Variants in IGF2BP3 observed in about 807,000 individuals in gnomAD.
The protein encoded by IGF2BP3 is insulin like growth factor 2 mRNA binding protein 3.
Under a neutral mutation model 73.8 loss-of-function variants are expected in IGF2BP3, and 9 were observed. The ratio of observed to expected loss-of-function variants is 0.12; its 90% CI spans 0.07 to 0.21. The LOEUF is 0.21. Ranked by LOEUF, IGF2BP3 falls within the 10% of genes least tolerant of loss-of-function variation. The pLI is 1.00. For synonymous variants in IGF2BP3, 258 were observed against 256.7 expected (o/e 1.01, Z -0.05); for missense variants, 542 against 714.0 (o/e 0.76, Z 2.75).
intron 10 of IGF2BP3, among the ~76,000 whole-genome samples, chr7:23,339,998 C>T (rs774334706): frequency 2.0e-5 from 3 of 152,120 alleles, no homozygotes; most frequent in Non-Finnish European, 2.9e-5. Context: ...AAATGTGTGA[C>T]CTTAAAGGCT....
At chr7:23,386,787 G>T (rs1786096223) in intron 3 of IGF2BP3, among the ~76,000 whole-genome samples, 1 of 152,080 alleles carries the variant, frequency 6.6e-6, no homozygotes, top group East Asian at 1.9e-4. Context: ...ACATCAGTGG[G>T]CTGGGCATGC....
intron 10 of IGF2BP3, among the ~76,000 whole-genome samples, chr7:23,325,775 G>A (rs572574628): frequency 1.3e-4 from 20 of 152,108 alleles, no homozygotes; most frequent in East Asian, 5.8e-4. Context: ...ATAACACCGC[G>A]TATCTACAAC....
At chr7:23,351,250 C>G (rs1357346343) in intron 6 of IGF2BP3, 55 bp downstream of exon 6, 3 of 1,594,882 alleles carry the variant, frequency 1.9e-6, no homozygotes, top group Non-Finnish European at 8.6e-7. Context: ...CACACTGTTA[C>G]TAAGATTCCA....
chr7:23,350,064 C>T (rs1784922554), intron 6 of IGF2BP3, among the ~76,000 whole-genome samples: 1 of 152,142 alleles, frequency 6.6e-6, no homozygotes, highest in South Asian at 2.1e-4. Flanking sequence ...CAGGGGAAGG[C>T]AGGATCAGAT....
chr7:23,431,655 C>T (rs1403563951), intron 2 of IGF2BP3, among the ~76,000 whole-genome samples: 2 of 151,996 alleles, frequency 1.3e-5, no homozygotes, highest in Non-Finnish European at 2.9e-5. Flanking sequence ...AAAAAGATTA[C>T]AAGGTCCCCT....
At chr7:23,341,687 C>T (rs963027574) in intron 10 of IGF2BP3, among the ~76,000 whole-genome samples, 2 of 151,760 alleles carry the variant, frequency 1.3e-5, no homozygotes, top group African/African-American at 4.8e-5. Flanking sequence ...TTTTAAATAA[C>T]CACCATGGCA....
intron 1 of IGF2BP3, among the ~76,000 whole-genome samples, chr7:23,468,744 G>C (rs1788630255): frequency 6.6e-6 from 1 of 152,212 alleles, no homozygotes; most frequent in Non-Finnish European, 1.5e-5. Flanking sequence ...TTGGGGAGCA[G>C]GGTCCGCTGG....
At position 23,420,883 on chromosome 7, in the gene IGF2BP3, T is replaced by G. The variant is rs190274455; in HGVS notation, c.237-2059A>C. Among the ~76,000 whole-genome samples the G allele has an allele frequency of 4.1e-4, 63 of 152,332 alleles. 1 individual carries two copies. Among genetic ancestry groups the G allele is most frequent in the Admixed American group, 3.9e-3 (59 of 15,308 alleles). On this transcript the variant is annotated intron_variant, in intron 2 of 14. Transcript: ENST00000258729. ...GTTTAAGAGATTCAAAAATCCAAAC[T>G]ATAGCTAGTACAAGTTTACAGACTA...
rs377726847 is a variant in IGF2BP3, at chr7:23,454,082, G to A, written c.236+14400C>T. On this transcript the variant is annotated intron_variant, in intron 2 of 14. Transcript: ENST00000258729. ...AGCTCAAGCGATTCATCCAAGTGCTGGGATTACAGGCATGAACCACCGTGC... is the reference window on the plus strand; with the variant it reads ...AGCTCAAGCGATTCATCCAAGTGCTAGGATTACAGGCATGAACCACCGTGC... 3.9e-5 allele frequency among the ~76,000 whole-genome samples: 6 copies of A among 152,176 alleles called. No homozygotes were observed. The East Asian group carries it at 9.6e-4, about 24-fold the overall frequency.
intron 3 of IGF2BP3, among the ~76,000 whole-genome samples, chr7:23,379,105 T>G (rs974139350): frequency 1.3e-5 from 2 of 152,194 alleles, no homozygotes; most frequent in African/African-American, 4.8e-5. Flanking sequence ...GATGGACATG[T>G]GTTTCATAAT....
chr7:23,417,606 C>T lies in IGF2BP3; in HGVS notation c.285+1170G>A, dbSNP rs1787228900. 2.6e-5 allele frequency among the ~76,000 whole-genome samples: 4 copies of T among 152,088 alleles called. No individual in the cohort carries two copies. In the South Asian group the frequency reaches 8.3e-4, roughly 32 times the overall value. ...TTGGCTGTTTCATAGAAAGCTACAT[C>T]ATACCAGATGTAGCTCCTGAACAAA... On this transcript the variant is annotated intron_variant, in intron 3 of 14. Transcript: ENST00000258729.
rs560346219 is a variant in IGF2BP3, at chr7:23,325,493, G to C, written c.1204-6239C>G. On this transcript the variant is annotated intron_variant, in intron 10 of 14. Transcript: ENST00000258729. ...AATCAATATCGTGAAAATGGCCATA[G>C]TGCCCAAGGTAATTTACAGATTCAA... Among the ~76,000 whole-genome samples, 1,364 of 152,142 alleles carry C rather than the reference G, an allele frequency of 9.0e-3. 22 individuals are homozygous for C. Among genetic ancestry groups the C allele is most frequent in the African/African-American group, 0.03 (1,249 of 41,484 alleles).
rs189337370 is a variant in IGF2BP3 at position 23,412,501 on chromosome 7, C to G, written c.285+6275G>C. On this transcript the variant is annotated intron_variant, in intron 3 of 14. Transcript: ENST00000258729. ...CAGATCACGTATTCAAATCTTTGCTCGGAAAACAGTCATTCCAGTCATGAG... is the reference window on the plus strand; with the variant it reads ...CAGATCACGTATTCAAATCTTTGCTGGGAAAACAGTCATTCCAGTCATGAG... Among the ~76,000 whole-genome samples the G allele has an allele frequency of 5.3e-5, 8 of 152,300 alleles. No individual in the cohort carries two copies. The East Asian group carries it at 1.2e-3, about 22-fold the overall frequency.
intron 3 of IGF2BP3, among the ~76,000 whole-genome samples, chr7:23,393,158 C>G (rs374795354): frequency 1.3e-5 from 2 of 152,084 alleles, no homozygotes; most frequent in African/African-American, 4.8e-5. Flanking sequence ...GCTGGAGTGG[C>G]CTTCCAGAAG....
chr7:23,339,599 T>C (rs184823114), intron 10 of IGF2BP3, among the ~76,000 whole-genome samples: 1 of 152,326 alleles, frequency 6.6e-6, no homozygotes, highest in East Asian at 1.9e-4. Flanking sequence ...GTGAAAAGCT[T>C]TGTTGATTGG....
intron 3 of IGF2BP3, among the ~76,000 whole-genome samples, chr7:23,368,909 A>G (rs998792667): frequency 2.0e-5 from 3 of 150,906 alleles, no homozygotes; most frequent in African/African-American, 7.4e-5. Context: ...AAAAAAAAAG[A>G]AAAAAAAACT....
At chr7:23,418,731 A>C (rs1221691135) in intron 3 of IGF2BP3, 45 bp downstream of exon 3, 1 of 1,242,586 alleles carries the variant, frequency 8.0e-7, no homozygotes, top group East Asian at 2.4e-5. Flanking sequence ...TAACAGCAAT[A>C]GGCTTCCATA....
intron 2 of IGF2BP3, among the ~76,000 whole-genome samples, chr7:23,439,891 C>T (rs745439802): frequency 6.6e-6 from 1 of 152,200 alleles, no homozygotes; most frequent in Non-Finnish European, 1.5e-5. Flanking sequence ...TACCTGCCCT[C>T]GGGCTTTCTC....
intron 2 of IGF2BP3, among the ~76,000 whole-genome samples, chr7:23,456,889 A>C (rs1211062921): frequency 6.6e-6 from 1 of 152,092 alleles, no homozygotes; most frequent in East Asian, 1.9e-4. Context: ...TCTCTACTAA[A>C]AATACAAAAA....
Sources: allele counts gnomAD v4.1 joint callset (sites outside exome capture counted in the v4.1 genomes callset), GRCh38; gene constraint gnomAD v4.1.1; transcripts MANE v1.5; gene names NCBI Gene and HGNC (gene_info 2026-07-23, HGNC 2026-07-21).